FLRT2: variants seen among roughly 807,000 people sequenced by gnomAD.
FLRT2 encodes fibronectin leucine rich transmembrane protein 2, also known as leucine-rich repeat transmembrane protein FLRT2.
Under a neutral mutation model 40.0 loss-of-function variants are expected in FLRT2, and 15 were observed. The ratio of observed to expected loss-of-function variants is 0.38; its 90% CI spans 0.25 to 0.58. FLRT2 has a LOEUF of 0.58. FLRT2 is among the 20% of genes least tolerant of loss of function. FLRT2 has a pLI of 0.71. For synonymous variants in FLRT2, 380 were observed against 336.8 expected (o/e 1.13, Z -1.41); for missense variants, 726 against 840.0 (o/e 0.86, Z 1.68).
At chr14:85,607,755 G>A (rs142081136) in intron 1 of FLRT2, among the ~76,000 whole-genome samples, 1,972 of 152,264 alleles carry the variant, frequency 0.013, 24 homozygotes, top group Non-Finnish European at 0.019. Flanking sequence ...TGCATTTTAT[G>A]TGCTTTCTAC....
intron 1 of FLRT2, among the ~76,000 whole-genome samples, chr14:85,613,459 C>G (rs1391780086): frequency 6.6e-6 from 1 of 152,136 alleles, no homozygotes; most frequent in Admixed American, 6.5e-5. Flanking sequence ...ACTATTCATC[C>G]ATCGCTCTAT....
chr14:85,548,318 A>T (rs903978661), intron 1 of FLRT2, among the ~76,000 whole-genome samples: 11 of 152,234 alleles, frequency 7.2e-5, no homozygotes, highest in Non-Finnish European at 1.0e-4. Flanking sequence ...TATCTCATAG[A>T]AGAAGCTTCC....
chr14:85,599,976 A>G (rs1200981652), intron 1 of FLRT2, among the ~76,000 whole-genome samples: 3 of 152,222 alleles, frequency 2.0e-5, no homozygotes, highest in African/African-American at 7.2e-5. Flanking sequence ...GATGGGCACA[A>G]TGATACCTTC....
In FLRT2 at chr14:85,622,789, C is replaced by A. The variant is rs763773448; in HGVS notation, c.1275C>A (p.Ile425=). ...ERVTPPISER[I]QLSIHFVNDT... is the part of the protein sequence containing the mutation. The stretch of plus-strand genomic sequence containing the variant: ...TGACCCCACCTATTTCTGAACGGAT[C>A]CAGCTCTCTATCCATTTTGTGAATG... The change falls in exon 2 of 2, where the codon ATC becomes ATA. Residue 425 remains isoleucine (I), a synonymous_variant. Coordinates refer to ENST00000330753, the MANE Select transcript of FLRT2 (RefSeq NM_013231.6). 3.7e-6 allele frequency: 6 copies of A among 1,614,032 alleles called. No homozygotes were observed. The African/African-American group carries it at 8.0e-5, about 22-fold the overall frequency.
In FLRT2 at chr14:85,624,189, A is replaced by C. The variant is rs1047290649; in HGVS notation, c.*692A>C. On this transcript the variant is annotated 3_prime_UTR_variant, in exon 2 of 2. Transcript: ENST00000330753. ...ACTGGGAACTTAAAAATCACTCTTC[A>C]TGCTTCCCTGGTCCTATGTGATAAC... 6.0e-6 allele frequency: 1 copy of C among 166,906 alleles called. No homozygotes were observed. The highest frequency in any genetic ancestry group is 2.4e-5 in the African/African-American group (1 of 41,402). 10.3% of individuals were successfully genotyped at this position (166,906 alleles called of 1,614,324 possible). A position where few individuals can be genotyped will look rare whatever the true frequency, so the allele number is the denominator to read the frequency against.
chr14:85,546,584 G>T (rs1396583407), intron 1 of FLRT2, among the ~76,000 whole-genome samples: 9 of 152,180 alleles, frequency 5.9e-5, no homozygotes, highest in African/African-American at 2.2e-4. Flanking sequence ...TCTGTCTATG[G>T]AAGTGCAAAT....
rs546315821 is a variant in FLRT2 at position 85,606,923 on chromosome 14, C to T, written c.-376-14216C>T. 4.0e-5 allele frequency among the ~76,000 whole-genome samples: 6 copies of T among 151,510 alleles called. No homozygotes were observed. In the South Asian group the frequency reaches 1.0e-3, roughly 26 times the overall value. ...TTCCCCCACACCCCCTGCCACCATCCGAAGGAGATTGCCTAGATTTTTTTT... is the reference window on the plus strand; with the variant it reads ...TTCCCCCACACCCCCTGCCACCATCTGAAGGAGATTGCCTAGATTTTTTTT... On this transcript the variant is annotated intron_variant, in intron 1 of 1. Coordinates refer to ENST00000330753, the MANE Select transcript of FLRT2 (RefSeq NM_013231.6).
chr14:85,620,479 GAA>G (rs1893333024), intron 1 of FLRT2, among the ~76,000 whole-genome samples: 1 of 152,040 alleles, frequency 6.6e-6, no homozygotes, highest in Non-Finnish European at 1.5e-5. Flanking sequence ...CATTAAGCAT[GAA>G]TAAGGTTTTG....
At chr14:85,605,220 A>G (rs1312522904) in intron 1 of FLRT2, among the ~76,000 whole-genome samples, 1 of 152,136 alleles carries the variant, frequency 6.6e-6, no homozygotes, top group Non-Finnish European at 1.5e-5. Flanking sequence ...TCTCTCAGCT[A>G]CATTGTGCTT....
intron 1 of FLRT2, among the ~76,000 whole-genome samples, chr14:85,539,630 A>G (rs1034967734): frequency 6.6e-6 from 1 of 152,144 alleles, no homozygotes; most frequent in African/African-American, 2.4e-5. Flanking sequence ...TCTCCTGGAG[A>G]CTTAATTTCC....
At chr14:85,606,040 T>C (rs1892596791) in intron 1 of FLRT2, among the ~76,000 whole-genome samples, 1 of 152,224 alleles carries the variant, frequency 6.6e-6, no homozygotes, top group Admixed American at 6.5e-5. Flanking sequence ...TGATTTTTTC[T>C]GAACCATTCA....
chr14:85,614,052 G>A (rs1450065926), intron 1 of FLRT2, among the ~76,000 whole-genome samples: 1 of 152,112 alleles, frequency 6.6e-6, no homozygotes, highest in African/African-American at 2.4e-5. Flanking sequence ...AAGAGTGTGT[G>A]TTTTCCACAT....
At chr14:85,572,678 T>G (rs1020561572) in intron 1 of FLRT2, among the ~76,000 whole-genome samples, 1 of 152,244 alleles carries the variant, frequency 6.6e-6, no homozygotes, top group African/African-American at 2.4e-5. Context: ...GGTGACTGGC[T>G]GACCCACTGG....
chr14:85,559,797 T>A (rs1312284463), intron 1 of FLRT2, among the ~76,000 whole-genome samples: 1 of 152,100 alleles, frequency 6.6e-6, no homozygotes, highest in Non-Finnish European at 1.5e-5. Flanking sequence ...GCCCATTACC[T>A]CCGTGAGGTT....
At chr14:85,530,919 C>T (rs1207962409) in intron 1 of FLRT2, among the ~76,000 whole-genome samples, 1 of 152,202 alleles carries the variant, frequency 6.6e-6, no homozygotes, top group Non-Finnish European at 1.5e-5. Flanking sequence ...TAACAACCCT[C>T]TCCCCTCCAC....
intron 1 of FLRT2, among the ~76,000 whole-genome samples, chr14:85,599,080 G>A (rs1309021214): frequency 2.0e-5 from 3 of 152,040 alleles, no homozygotes; most frequent in Non-Finnish European, 4.4e-5. Context: ...ATCATGCCCG[G>A]CTAATTTCTT....
At chr14:85,565,344 A>C (rs1269085210) in intron 1 of FLRT2, among the ~76,000 whole-genome samples, 1 of 152,136 alleles carries the variant, frequency 6.6e-6, no homozygotes, top group East Asian at 1.9e-4. Context: ...TTTGTCTCAT[A>C]AGTAATCTGT....
rs1383409589 is a variant in FLRT2 at position 85,654,415 on chromosome 14, T to A, written c.*30918T>A. 1.3e-5 allele frequency: 2 copies of A among 152,212 alleles called. No homozygotes were observed. Among genetic ancestry groups the A allele is most frequent in the Non-Finnish European group, 2.9e-5 (2 of 68,034 alleles). The allele number at this position is 152,212 out of a possible 1,614,324, so 9.4% of individuals were successfully genotyped here. On this transcript the variant is annotated 3_prime_UTR_variant, in exon 2 of 2. Coordinates refer to ENST00000330753, the MANE Select transcript of FLRT2 (RefSeq NM_013231.6). Reference sequence around the variant, plus strand: ...ATACTCTTAATAAAAAATGGTATAATACATTTAAGCAGATTTGCATCCTAC... The same window carrying A: ...ATACTCTTAATAAAAAATGGTATAAAACATTTAAGCAGATTTGCATCCTAC...
intron 1 of FLRT2, among the ~76,000 whole-genome samples, chr14:85,536,411 C>T (rs1198357651): frequency 1.3e-5 from 2 of 151,910 alleles, no homozygotes; most frequent in East Asian, 1.9e-4. Context: ...GCAAGGGTGC[C>T]GAGCGGCTTT....
Sources: gnomAD v4.1 joint callset for allele counts (sites outside exome capture counted in the v4.1 genomes callset) on GRCh38, gnomAD v4.1.1 for gene constraint, MANE v1.5 for transcripts, NCBI Gene and HGNC (gene_info 2026-07-23, HGNC 2026-07-21) for gene names.